Variants in ARHGEF11 observed in about 807,000 individuals in gnomAD.
ARHGEF11 encodes Rho guanine nucleotide exchange factor 11, also known as Rho guanine exchange factor (GEF) 11.
A neutral mutation model predicts 193.7 loss-of-function variants in ARHGEF11; 55 were observed. That is an observed-to-expected ratio of 0.28 (90% confidence interval 0.23 to 0.36). The LOEUF (loss-of-function observed/expected upper bound fraction) is 0.36. ARHGEF11 is among the 10% of genes least tolerant of loss of function. The pLI is 1.00. For synonymous variants in ARHGEF11, 693 were observed against 768.0 expected (o/e 0.90, Z 1.62); for missense variants, 1,723 against 2,005.6 (o/e 0.86, Z 2.69).
intron 1 of ARHGEF11, among the ~76,000 whole-genome samples, chr1:157,002,412 A>G (rs1453737615): frequency 3.3e-5 from 5 of 152,122 alleles, no homozygotes; most frequent in Non-Finnish European, 7.3e-5. Flanking sequence ...AAATCCTCCC[A>G]AACTCTAGTG....
chr1:156,983,743 T>C (rs1664535548), intron 3 of ARHGEF11, among the ~76,000 whole-genome samples: 1 of 152,248 alleles, frequency 6.6e-6, no homozygotes, highest in South Asian at 2.1e-4. Context: ...TCTAAAATCC[T>C]GTTTCTTTTA....
At chr1:157,015,898 C>T (rs181104488) in intron 1 of ARHGEF11, among the ~76,000 whole-genome samples, 2 of 152,324 alleles carry the variant, frequency 1.3e-5, no homozygotes, top group East Asian at 3.9e-4. Context: ...ATTATGGTCC[C>T]TGCCCTCTGG....
intron 3 of ARHGEF11, among the ~76,000 whole-genome samples, chr1:156,983,628 T>C (rs1310478193): frequency 6.6e-6 from 1 of 152,190 alleles, no homozygotes; most frequent in Non-Finnish European, 1.5e-5. Context: ...TATACACAAT[T>C]GGTAACTTGA....
rs886378339 is a variant in ARHGEF11 at position 156,943,857 on chromosome 1, G to C, written c.3235+78C>G. On this transcript the variant is annotated intron_variant, in intron 32 of 40. Coordinates refer to ENST00000368194, the MANE Select transcript of ARHGEF11 (RefSeq NM_198236.3). ...ACAGGTAGGTCCTGTAAAGGCTCCA[G>C]ACTGGCCCTGCCTCACCCAGCACTT... 2.6e-6 allele frequency: 4 copies of C among 1,520,542 alleles called. No individual in the cohort carries two copies. In the South Asian group the frequency reaches 5.1e-5, roughly 19 times the overall value. The allele number at this position is 1,520,542 out of a possible 1,614,324, so 94.2% of individuals were successfully genotyped here. A position where few individuals can be genotyped will look rare whatever the true frequency, so the allele number is the denominator to read the frequency against.
At position 156,956,502 on chromosome 1, in the gene ARHGEF11, G is replaced by A; in HGVS notation, c.1589C>T (p.Ala530Val). The change falls in exon 19 of 41, where the codon GCA (alanine) becomes GTA (valine). Residue 530 changes from alanine (A) to valine (V), a missense_variant. Physicochemically the swap from Ala to Val is moderately conservative, Grantham distance 64. This residue lies in a region of ARHGEF11 where 646 missense variants were observed against 710.7 expected (regional missense o/e 0.91). Coordinates refer to ENST00000368194, the MANE Select transcript of ARHGEF11 (RefSeq NM_198236.3). ...MSHAGIRLRE[A>V]RPSNTAEKAQ... ...CTTTTCAGCTGTGTTGGAAGGTCGT[G>A]CCTCTCGAAGACGGATCCCAGCATG... is the stretch of plus-strand genomic sequence containing the variant. The A allele has an allele frequency of 1.2e-6, 2 of 1,614,170 alleles. No homozygotes were observed. The highest frequency in any genetic ancestry group is 8.5e-7 in the Non-Finnish European group (1 of 1,180,030).
chr1:157,025,944 C>A (rs1670582841), intron 1 of ARHGEF11, among the ~76,000 whole-genome samples: 1 of 152,174 alleles, frequency 6.6e-6, no homozygotes, highest in Non-Finnish European at 1.5e-5. Context: ...AATAAAAACA[C>A]TGTATAATGC....
intron 7 of ARHGEF11, among the ~76,000 whole-genome samples, chr1:156,974,913 C>T (rs773000937): frequency 2.6e-5 from 4 of 152,140 alleles, no homozygotes; most frequent in Non-Finnish European, 4.4e-5. Context: ...TATTCATCAG[C>T]GGAAGAACAT....
chr1:156,981,022 TAC>T (rs1468635215), intron 3 of ARHGEF11, among the ~76,000 whole-genome samples: 1 of 152,178 alleles, frequency 6.6e-6, no homozygotes, highest in Non-Finnish European at 1.5e-5. Context: ...TTAAGCCATT[TAC>T]AGTTTCTCCC....
rs941611938 is a variant in ARHGEF11 at position 156,934,969 on chromosome 1, A to T, written c.*1031T>A. The T allele has an allele frequency of 1.4e-4, 20 of 147,488 alleles. No individual in the cohort carries two copies. Among genetic ancestry groups the T allele is most frequent in the South Asian group, 1.3e-3 (6 of 4,728 alleles). 9.1% of individuals were successfully genotyped at this position (147,488 alleles called of 1,614,324 possible). On this transcript the variant is annotated 3_prime_UTR_variant, in exon 41 of 41. Coordinates refer to ENST00000368194, the MANE Select transcript of ARHGEF11 (RefSeq NM_198236.3). ...TATTTTATATATTATATATATATTTATATATATATATATGTATATATACAC... is the reference window on the plus strand; with the variant it reads ...TATTTTATATATTATATATATATTTTTATATATATATATGTATATATACAC...
At chr1:157,007,465 ACTT>A (rs780947626) in intron 1 of ARHGEF11, among the ~76,000 whole-genome samples, 33 of 152,218 alleles carry the variant, frequency 2.2e-4, no homozygotes, top group East Asian at 3.9e-4. Context: ...GTTCAATGGA[ACTT>A]CTTATTACAG....
intron 13 of ARHGEF11, among the ~76,000 whole-genome samples, chr1:156,962,959 G>C (rs552824614): frequency 2.7e-5 from 4 of 146,322 alleles, no homozygotes; most frequent in African/African-American, 1.0e-4. Context: ...GATCAAGAAT[G>C]AGTTTTCCTG....
chr1:156,942,905 G>A (rs913362524), intron 32 of ARHGEF11, 125 bp from the exon 33 acceptor site: 1 of 724,738 alleles, frequency 1.4e-6, no homozygotes, highest in Admixed American at 2.4e-5. Flanking sequence ...AGTGCAGCAC[G>A]AGACAGATGT....
intron 9 of ARHGEF11, among the ~76,000 whole-genome samples, chr1:156,969,567 C>T (rs1177629054): frequency 6.6e-6 from 1 of 152,192 alleles, no homozygotes; most frequent in African/African-American, 2.4e-5. Flanking sequence ...CTAGCTTTCA[C>T]CTGTCTATGC....
rs747753610 is a variant in ARHGEF11, at chr1:156,948,243, T to A, written c.2106-15A>T. ...TCTCAAGAGACCTGTGGAGGGAATG[T>A]CAACTCTCAGCAACCCTCTATCCTT... On this transcript the variant is annotated splice_polypyrimidine_tract_variant and intron_variant, in intron 23 of 40. Coordinates refer to ENST00000368194, the MANE Select transcript of ARHGEF11 (RefSeq NM_198236.3). The surrounding 1 kb of genome is among the most constrained non-coding windows in gnomAD (Gnocchi z 4.2). The A allele has an allele frequency of 1.9e-5, 31 of 1,594,740 alleles. No individual in the cohort carries two copies. In the Admixed American group the frequency reaches 2.0e-4, roughly 10 times the overall value.
chr1:156,939,078 A>C (rs1571132417), intron 37 of ARHGEF11: 1 of 208,470 alleles, frequency 4.8e-6, no homozygotes. Context: ...TTTGTCCTCC[A>C]CCCCTTCCAG....
Position 156,969,374 on chromosome 1 carries a change from T to TTC in ARHGEF11, c.749-17_749-16insGA. The TTC allele has an allele frequency of 6.3e-7, 1 of 1,593,676 alleles. No homozygotes were observed. ...GAGAGCCGGCCTGAGAAGAAAATAGTTTCTATAACACAGAAGGAGCTGTGG... is the reference window on the plus strand; with the variant it reads ...GAGAGCCGGCCTGAGAAGAAAATAGTTCTTCTATAACACAGAAGGAGCTGTGG... On this transcript the variant is annotated splice_polypyrimidine_tract_variant and intron_variant, in intron 9 of 40. Coordinates refer to ENST00000368194, the MANE Select transcript of ARHGEF11 (RefSeq NM_198236.3).
intron 3 of ARHGEF11, among the ~76,000 whole-genome samples, chr1:156,981,904 T>A (rs1224583305): frequency 1.3e-5 from 2 of 152,234 alleles, no homozygotes; most frequent in Admixed American, 6.5e-5. Context: ...CCCAACGTGA[T>A]CATTAAATCT....
At chr1:156,968,947 G>A (rs995455151) in intron 10 of ARHGEF11, among the ~76,000 whole-genome samples, 4 of 152,208 alleles carry the variant, frequency 2.6e-5, no homozygotes, top group African/African-American at 9.6e-5. Context: ...GTGGAAATAT[G>A]TTTTTGGTCA....
intron 3 of ARHGEF11, among the ~76,000 whole-genome samples, chr1:156,983,892 T>C (rs1006514283): frequency 2.0e-5 from 3 of 152,246 alleles, no homozygotes; most frequent in African/African-American, 7.2e-5. Context: ...TTAATGTTAA[T>C]TGTATCAGCA....
Sources: gnomAD v4.1 joint callset for allele counts (sites outside exome capture counted in the v4.1 genomes callset) on GRCh38, gnomAD v4.1.1 for gene constraint, gnomAD v4.1.1 regional missense constraint, Gnocchi (gnomAD v3.1) non-coding constraint, MANE v1.5 for transcripts, NCBI Gene and HGNC (gene_info 2026-07-23, HGNC 2026-07-21) for gene names.